Variants in PDCL observed in about 807,000 individuals in gnomAD.
PDCL encodes phosducin like.
In PDCL, 11 loss-of-function variants were observed where a neutral mutation model predicts 26.7. The observed-to-expected ratio is 0.41, with a 90% confidence interval of 0.26 to 0.68. PDCL has a LOEUF of 0.68. PDCL is among the 30% of genes least tolerant of loss of function. PDCL has a pLI of 0.30. For missense variants in PDCL, 330 were observed against 371.6 expected, an observed-to-expected ratio of 0.89 and a Z score of 0.92; for synonymous variants, 118 against 134.9, an observed-to-expected ratio of 0.87 and a Z score of 0.87.
chr9:122,819,946 C>A lies in PDCL; in HGVS notation c.*139G>T. On this transcript the variant is annotated 3_prime_UTR_variant, in exon 4 of 4. Transcript: ENST00000259467. ...AGGTTATTCAGCATTCTGATTTAAT[C>A]TAAGAATTTCTTTATTTTATGCATA... The A allele has an allele frequency of 1.5e-6, 1 of 646,410 alleles. No individual in the cohort carries two copies. The highest frequency in any genetic ancestry group is 2.3e-5 in the South Asian group (1 of 43,542). The allele number at this position is 646,410 out of a possible 1,614,324, so 40.0% of individuals were successfully genotyped here.
chr9:122,820,822 T>TAAAAA, intron 3 of PDCL, 186 bp from the exon 4 acceptor site: 18 of 306,010 alleles, frequency 5.9e-5, no homozygotes, highest in Non-Finnish European at 8.9e-5. Context: ...CATCTCTCCT[T>TAAAAA]AAAAAAAAAA....
At chr9:122,824,167 G>A (rs184550475) in intron 2 of PDCL, among the ~76,000 whole-genome samples, 138 of 152,240 alleles carry the variant, frequency 9.1e-4, no homozygotes, top group Non-Finnish European at 1.7e-3. Flanking sequence ...CTGTGCTGCC[G>A]AAGGACTTAT....
rs780737317 is a variant in PDCL at position 122,823,183 on chromosome 9, T to C, written c.187A>G (p.Ile63Val). ...ISVNTGPKGV[I>V]NDWRRFKQLE... The stretch of plus-strand genomic sequence containing the variant: ...TGCTTGAAGCGGCGCCAGTCATTGA[T>C]CACACCTTTTGGGCCTGAGTAGGGT... The change falls in exon 3 of 4, where the codon ATC becomes GTC. Residue 63 changes from isoleucine (I) to valine (V), a missense_variant. By Grantham distance (29) the Ile-to-Val change is conservative (BLOSUM62 3). Coordinates refer to ENST00000259467, the MANE Select transcript of PDCL (RefSeq NM_005388.5). 1 of 1,614,084 alleles carries C rather than the reference T, an allele frequency of 6.2e-7. No individual in the cohort carries two copies. The highest frequency in any genetic ancestry group is 8.5e-7 in the Non-Finnish European group (1 of 1,180,018).
chr9:122,821,969 T>C (rs1257113508), intron 3 of PDCL, among the ~76,000 whole-genome samples: 1 of 152,116 alleles, frequency 6.6e-6, no homozygotes, highest in African/African-American at 2.4e-5. Context: ...CTGAGTTCAC[T>C]ATTTTACTTA....
At chr9:122,826,031 G>A (rs1474061872) in intron 2 of PDCL, among the ~76,000 whole-genome samples, 3 of 152,194 alleles carry the variant, frequency 2.0e-5, no homozygotes, top group African/African-American at 7.2e-5. Flanking sequence ...AGTTGAGGCT[G>A]CAGTGAGCCA....
rs1829573130 is a variant in PDCL, at chr9:122,823,047, T to G, written c.323A>C (p.Gln108Pro). The change falls in exon 3 of 4, where the codon CAG becomes CCG. Residue 108 changes from glutamine to proline, a missense_variant. Gln to Pro is a moderately conservative substitution (Grantham distance 76). Transcript: ENST00000259467. ...HLDEEEEQQK[Q>P]KDLQEKISGK... ...ACTGATCTTCTCCTGGAGGTCTTTC[T>G]GTTTCTGTTGCTCCTCCTCTTCATC... 1 of 1,614,110 alleles carries G rather than the reference T, an allele frequency of 6.2e-7. No homozygotes were observed. The highest frequency in any genetic ancestry group is 1.3e-5 in the African/African-American group (1 of 74,928).
chr9:122,826,575 A>AT (rs1829631175), intron 2 of PDCL, 41 bp downstream of exon 2: 1 of 1,550,252 alleles, frequency 6.5e-7, no homozygotes, highest in Admixed American at 2.0e-5. Context: ...TTTAATGTAC[A>AT]TTTTTTAAGC....
rs1829512183 is a variant in PDCL at position 122,818,387 on chromosome 9, C to A, written c.*1698G>T. The A allele has an allele frequency of 6.6e-6, 1 of 151,930 alleles. No homozygotes were observed. Among genetic ancestry groups the A allele is most frequent in the Non-Finnish European group, 1.5e-5 (1 of 67,988 alleles). The allele number at this position is 151,930 out of a possible 1,614,324, so 9.4% of individuals were successfully genotyped here. A position where few individuals can be genotyped will look rare whatever the true frequency, so the allele number is the denominator to read the frequency against. On this transcript the variant is annotated 3_prime_UTR_variant, in exon 4 of 4. Coordinates refer to ENST00000259467, the MANE Select transcript of PDCL (RefSeq NM_005388.5). ...AATTATTTATTTAGAATGTTTGAAA[C>A]ATCAAAGTATTTATGATACAACACT...
At chr9:122,827,741 T>A (rs1039486253) in intron 1 of PDCL, among the ~76,000 whole-genome samples, 12 of 151,394 alleles carry the variant, frequency 7.9e-5, no homozygotes, top group Non-Finnish European at 1.6e-4. Context: ...CAAAAAAAAA[T>A]AAAAACTAAA....
chr9:122,825,832 T>C (rs915790188), intron 2 of PDCL, among the ~76,000 whole-genome samples: 1 of 152,174 alleles, frequency 6.6e-6, no homozygotes, highest in Middle Eastern at 3.2e-3. Context: ...CTGAGGCAGA[T>C]GATCGCTTGA....
At chr9:122,824,499 C>T (rs941419816) in intron 2 of PDCL, among the ~76,000 whole-genome samples, 1 of 152,162 alleles carries the variant, frequency 6.6e-6, no homozygotes, top group Non-Finnish European at 1.5e-5. Flanking sequence ...GCAGGGCTGC[C>T]ATTGACCTAC....
Position 122,819,889 on chromosome 9 carries a change from T to C in PDCL, c.*196A>G, listed in dbSNP as rs919812847. On this transcript the variant is annotated 3_prime_UTR_variant, in exon 4 of 4. Transcript: ENST00000259467. ...GTTCAAAAGCCTGGCTTCCTGTTTA[T>C]ACAACTGTAAGTCACCTTATTGCTA... The C allele has an allele frequency of 6.1e-6, 3 of 489,446 alleles. No homozygotes were observed. Among genetic ancestry groups the C allele is most frequent in the East Asian group, 3.4e-5 (1 of 29,354 alleles). The allele number at this position is 489,446 out of a possible 1,614,324, so 30.3% of individuals were successfully genotyped here.
intron 3 of PDCL, 99 bp from the exon 4 acceptor site, chr9:122,820,735 G>A: frequency 3.1e-6 from 3 of 965,098 alleles, no homozygotes; most frequent in South Asian, 3.3e-5. Flanking sequence ...TGTAATCCTA[G>A]CACTTTGGGA....
chr9:122,826,459 G>A (rs556029649), intron 2 of PDCL, among the ~76,000 whole-genome samples, 157 bp downstream of exon 2: 1 of 152,178 alleles, frequency 6.6e-6, no homozygotes, highest in South Asian at 2.1e-4. Context: ...GCACTAAAAG[G>A]CTAGAAGCAC....
intron 1 of PDCL, among the ~76,000 whole-genome samples, chr9:122,828,224 C>T (rs891589229): frequency 1.3e-5 from 2 of 152,010 alleles, no homozygotes; most frequent in Non-Finnish European, 1.5e-5. Context: ...GGCGGGCCCC[C>T]TGGAGACGCG....
chr9:122,819,153 A>C lies in PDCL; in HGVS notation c.*932T>G, dbSNP rs551868953. 2.0e-5 allele frequency: 3 copies of C among 152,264 alleles called. No homozygotes were observed. Among genetic ancestry groups the C allele is most frequent in the Non-Finnish European group, 4.4e-5 (3 of 68,006 alleles). The allele number at this position is 152,264 out of a possible 1,614,324, so 9.4% of individuals were successfully genotyped here. ...TATACACAGAAAACACCTTGGCAGGAAACAGACCAAAATATTAATAGTGTT... is the reference window on the plus strand; with the variant it reads ...TATACACAGAAAACACCTTGGCAGGCAACAGACCAAAATATTAATAGTGTT... On this transcript the variant is annotated 3_prime_UTR_variant, in exon 4 of 4. Transcript: ENST00000259467.
chr9:122,827,673 A>G (rs1829646695), intron 1 of PDCL, among the ~76,000 whole-genome samples: 3 of 152,162 alleles, frequency 2.0e-5, no homozygotes, highest in African/African-American at 7.2e-5. Context: ...CGGAGGTTGC[A>G]GTGAGCCAAG....
chr9:122,826,680 G>C lies in PDCL; in HGVS notation c.108C>G (p.Ala36=), dbSNP rs1809699815. The C allele has an allele frequency of 6.2e-7, 1 of 1,614,028 alleles. No homozygotes were observed. Among genetic ancestry groups the C allele is most frequent in the African/African-American group, 1.3e-5 (1 of 74,914 alleles). Residue 36 remains alanine, a synonymous_variant, in exon 2 of 4, where the codon GCC becomes GCG. Transcript: ENST00000259467. ...CTGCAGGCACAGAACTGCTGGCTGG[G>C]GCACATCTGCCTCGGTCCTTGTCCT... ...DHEDKDRGRC[A]PASSSVPAEA...
In PDCL at chr9:122,826,807, C is replaced by T. The variant is rs1252499318; in HGVS notation, c.-5-15G>A. 3 of 1,613,030 alleles carry T rather than the reference C, an allele frequency of 1.9e-6. No homozygotes were observed. The highest frequency in any genetic ancestry group is 1.1e-5 in the South Asian group (1 of 90,992). On this transcript the variant is annotated splice_polypyrimidine_tract_variant and intron_variant, in intron 1 of 3. Coordinates refer to ENST00000259467, the MANE Select transcript of PDCL (RefSeq NM_005388.5). ...GGTCATGGTGTCTGGAAAAAGAAAG[C>T]ATATCAGGTTCTTTGCTGATTTGAG...
Sources: gnomAD v4.1 joint callset for allele counts (sites outside exome capture counted in the v4.1 genomes callset) on GRCh38, gnomAD v4.1.1 for gene constraint, MANE v1.5 for transcripts, NCBI Gene and HGNC (gene_info 2026-07-23, HGNC 2026-07-21) for gene names.